MYO1A: variants seen among roughly 807,000 people sequenced by gnomAD.
MYO1A encodes the protein myosin IA.
Under a neutral mutation model 138.5 loss-of-function variants are expected in MYO1A, and 127 were observed. The observed-to-expected ratio is 0.92, with a 90% confidence interval of 0.79 to 1.06. MYO1A has a LOEUF of 1.06. MYO1A is among the 50% of genes least tolerant of loss of function. The pLI is 0.00. For synonymous variants in MYO1A, 477 were observed against 497.5 expected (o/e 0.96, Z 0.55); for missense variants, 1,211 against 1,288.8 (o/e 0.94, Z 0.92).
chr12:57,040,248 C>T (rs1478814077), intron 14 of MYO1A, among the ~76,000 whole-genome samples: 1 of 152,224 alleles, frequency 6.6e-6, no homozygotes, highest in African/African-American at 2.4e-5. Context: ...TGTAAAAAAG[C>T]ATCCTTACAT....
chr12:57,039,287 G>A lies in MYO1A; in HGVS notation c.1270-13C>T. ...TCCACGGTATGCCCTGGTCAGGGGA[G>A]ACAACAAATTACAGGGAACACGTCC... On this transcript the variant is annotated splice_polypyrimidine_tract_variant and intron_variant, in intron 14 of 27. Coordinates refer to ENST00000300119, the MANE Select transcript of MYO1A (RefSeq NM_005379.4). The A allele has an allele frequency of 6.2e-7, 1 of 1,610,802 alleles. No homozygotes were observed. Among genetic ancestry groups the A allele is most frequent in the Non-Finnish European group, 8.5e-7 (1 of 1,177,058 alleles).
chr12:57,042,278 G>A (rs1385550931), intron 12 of MYO1A, among the ~76,000 whole-genome samples: 1 of 152,136 alleles, frequency 6.6e-6, no homozygotes, highest in Non-Finnish European at 1.5e-5. Flanking sequence ...TCAGCATAAT[G>A]TTTTCCAGGC....
Position 57,037,589 on chromosome 12 carries a change from CCAGCTCCCCCGAGGACATGCT to C in MYO1A, c.1993_2013del (p.Ser665_Leu671del), listed in dbSNP as rs1174786745. ...ATGAAGATCTTTGTCTTGCCAAAGG[CCAGCTCCCCCGAGGACATGCT>C]CAGCTCCCCCAGGACCTTCTCAACA... On this transcript the variant is annotated inframe_deletion, in exon 19 of 28. Coordinates refer to ENST00000300119, the MANE Select transcript of MYO1A (RefSeq NM_005379.4). 1 of 1,614,144 alleles carries C rather than the reference CCAGCTCCCCCGAGGACATGCT, an allele frequency of 6.2e-7. No homozygotes were observed. Among genetic ancestry groups the C allele is most frequent in the Non-Finnish European group, 8.5e-7 (1 of 1,180,036 alleles).
Position 57,029,790 on chromosome 12 carries a change from GCCC to G in MYO1A, c.2671_2673del (p.Gly891del). On this transcript the variant is annotated inframe_deletion, in exon 25 of 28. Coordinates refer to ENST00000300119, the MANE Select transcript of MYO1A (RefSeq NM_005379.4). ...TTCACGGCCTCTGCCATCAGAACAGGCCCCTCCTCCCCGCCTTTCAGCTTCTGC... is the reference window on the plus strand; with the variant it reads ...TTCACGGCCTCTGCCATCAGAACAGGCTCCTCCCCGCCTTTCAGCTTCTGC... 1 of 1,614,138 alleles carries G rather than the reference GCCC, an allele frequency of 6.2e-7. No homozygotes were observed. Among genetic ancestry groups the G allele is most frequent in the Non-Finnish European group, 8.5e-7 (1 of 1,180,028 alleles).
rs181460991 is a variant in MYO1A at position 57,030,661 on chromosome 12, A to G, written c.2485-345T>C. ...CTAAGTGAAATAAGCCAGACACAAA[A>G]GGACAAATATGATTCCCACTTATAT... On this transcript the variant is annotated intron_variant, in intron 23 of 27. Transcript: ENST00000300119. 3.4e-3 allele frequency among the ~76,000 whole-genome samples: 511 copies of G among 152,342 alleles called. 2 individuals carry two copies. Among genetic ancestry groups the G allele is most frequent in the Non-Finnish European group, 6.1e-3 (416 of 68,026 alleles).
Position 57,046,847 on chromosome 12 carries a change from T to A in MYO1A, c.541+16A>T, listed in dbSNP as rs116562254. 3 of 1,613,286 alleles carry A rather than the reference T, an allele frequency of 1.9e-6. No individual in the cohort carries two copies. In the African/African-American group the frequency reaches 4.0e-5, roughly 22 times the overall value. On this transcript the variant is annotated intron_variant, in intron 7 of 27. Transcript: ENST00000300119. ...GCAGGTGGAAGACAGGTGAGTGGAATTGGGGAGACACGTACAGTTTGTGAT... is the reference window on the plus strand; with the variant it reads ...GCAGGTGGAAGACAGGTGAGTGGAAATGGGGAGACACGTACAGTTTGTGAT...
At position 57,043,724 on chromosome 12, in the gene MYO1A, G is replaced by A. The variant is rs1298601381; in HGVS notation, c.892+132C>T. On this transcript the variant is annotated intron_variant, in intron 10 of 27. Transcript: ENST00000300119. ...GGAGTTCTCAGTGAGTCTGTTTAGG[G>A]GAGAACTCAGGAGTGGGCTGAGTGG... 5 of 1,184,824 alleles carry A rather than the reference G, an allele frequency of 4.2e-6. No individual in the cohort carries two copies. The African/African-American group carries it at 6.1e-5, about 14-fold the overall frequency. The allele number at this position is 1,184,824 out of a possible 1,614,324, so 73.4% of individuals were successfully genotyped here.
At chr12:57,045,030 T>G (rs997196795) in intron 8 of MYO1A, among the ~76,000 whole-genome samples, 2 of 152,210 alleles carry the variant, frequency 1.3e-5, no homozygotes, top group Admixed American at 6.5e-5. Flanking sequence ...TCTCTGATGC[T>G]GAGGGCCTGA....
chr12:57,032,113 C>G (rs919816919), intron 22 of MYO1A, among the ~76,000 whole-genome samples: 1 of 152,242 alleles, frequency 6.6e-6, no homozygotes, highest in African/African-American at 2.4e-5. Flanking sequence ...GCTCAAAGCC[C>G]TCCCTGATTC....
chr12:57,047,451 C>A, intron 4 of MYO1A, 44 bp from the exon 5 acceptor site: 1 of 1,576,378 alleles, frequency 6.3e-7, no homozygotes. Context: ...CCAGGACTAG[C>A]CCATCCCCCC....
At chr12:57,035,883 T>C (rs1033276891) in intron 22 of MYO1A, among the ~76,000 whole-genome samples, 2 of 152,234 alleles carry the variant, frequency 1.3e-5, no homozygotes, top group South Asian at 2.1e-4. Context: ...AGAAGGAAGA[T>C]ACAATTCGCC....
chr12:57,030,815 C>T (rs531630555), intron 23 of MYO1A, among the ~76,000 whole-genome samples: 6 of 152,166 alleles, frequency 3.9e-5, no homozygotes, highest in African/African-American at 1.4e-4. Flanking sequence ...TGATGAAAAA[C>T]GCATATGGAG....
chr12:57,038,729 C>A (rs2030710366), intron 16 of MYO1A, 80 bp downstream of exon 16: 1 of 1,609,206 alleles, frequency 6.2e-7, no homozygotes, highest in South Asian at 1.1e-5. Flanking sequence ...TCCAGACTCT[C>A]ACCTTCCCCG....
At position 57,029,000 on chromosome 12, in the gene MYO1A, G is replaced by C. The variant is rs1048773252; in HGVS notation, c.3006-119C>G. On this transcript the variant is annotated intron_variant, in intron 27 of 27. Coordinates refer to ENST00000300119, the MANE Select transcript of MYO1A (RefSeq NM_005379.4). ...ACTTGAGGCCCCAGAGAACCTGGGT[G>C]GGGGCCTGAGAAACACCTCCAAGCC... The C allele has an allele frequency of 1.6e-5, 26 of 1,588,938 alleles. No individual in the cohort carries two copies. The East Asian group carries it at 5.4e-4, about 33-fold the overall frequency.
intron 12 of MYO1A, 58 bp from the exon 13 acceptor site, chr12:57,041,555 TC>T: frequency 6.8e-7 from 1 of 1,467,558 alleles, no homozygotes; most frequent in African/African-American, 1.4e-5. Flanking sequence ...CCAGGCCAGG[TC>T]CTTCTGGAGC....
intron 25 of MYO1A, 45 bp downstream of exon 25, chr12:57,029,695 A>AT (rs1270506576): frequency 6.2e-7 from 1 of 1,614,088 alleles, no homozygotes; most frequent in Admixed American, 1.7e-5. Flanking sequence ...GCCAGCCCAC[A>AT]GCTCTGCACT....
Position 57,036,420 on chromosome 12 carries a change from AG to A in MYO1A, c.2275-40del, listed in dbSNP as rs776805665. 1.9e-6 allele frequency: 3 copies of A among 1,589,072 alleles called. No individual in the cohort carries two copies. In the South Asian group the frequency reaches 3.3e-5, roughly 18 times the overall value. On this transcript the variant is annotated intron_variant, in intron 21 of 27. Transcript: ENST00000300119. ...ACAAGAAAGGAGCCAAAGTGAAGAT[AG>A]GCAGATTCTAGAAGAGGTTGTACTA...
rs750217003 is a variant in MYO1A at position 57,038,639 on chromosome 12, C to T, written c.1534-1G>A. 7 of 1,614,154 alleles carry T rather than the reference C, an allele frequency of 4.3e-6. No homozygotes were observed. Among genetic ancestry groups the T allele is most frequent in the South Asian group, 1.1e-5 (1 of 91,078 alleles). Reference sequence around the variant, plus strand: ...TAAAGCTGGTCACGTTGTATGTCACCTGTAAAGGAGCAGCTATTGGTTTGG... The same window carrying T: ...TAAAGCTGGTCACGTTGTATGTCACTTGTAAAGGAGCAGCTATTGGTTTGG... On this transcript the variant is annotated splice_acceptor_variant, in intron 16 of 27. Coordinates refer to ENST00000300119, the MANE Select transcript of MYO1A (RefSeq NM_005379.4). LOFTEE classifies it high-confidence loss of function.
intron 27 of MYO1A, 54 bp from the exon 28 acceptor site, chr12:57,028,935 C>A: frequency 6.2e-7 from 1 of 1,603,990 alleles, no homozygotes; most frequent in Non-Finnish European, 8.5e-7. Flanking sequence ...CCCCGACTCC[C>A]GCATTTCCAT....
Sources: gnomAD v4.1 joint callset for allele counts (sites outside exome capture counted in the v4.1 genomes callset) on GRCh38, gnomAD v4.1.1 for gene constraint, MANE v1.5 for transcripts, NCBI Gene and HGNC (gene_info 2026-07-23, HGNC 2026-07-21) for gene names.